DACH1: variants seen among roughly 807,000 people sequenced by gnomAD.
DACH1 encodes dachshund homolog 1.
Under a neutral mutation model 54.2 loss-of-function variants are expected in DACH1, and 12 were observed. The ratio of observed to expected loss-of-function variants is 0.22; its 90% confidence interval spans 0.14 to 0.36. The LOEUF (loss-of-function observed/expected upper bound fraction) is 0.36, where lower values mean the gene tolerates loss of function less well. DACH1 is among the 10% of genes least tolerant of loss of function. The pLI is 1.00. For missense variants in DACH1, 805 were observed against 929.8 expected (o/e 0.87, Z 1.75); for synonymous variants, 386 against 366.2 (o/e 1.05, Z -0.62).
chr13:71,794,718 G>T (rs1485924442), intron 1 of DACH1, among the ~76,000 whole-genome samples: 1 of 152,172 alleles, frequency 6.6e-6, no homozygotes, highest in Non-Finnish European at 1.5e-5. Flanking sequence ...GATTACAGGC[G>T]TGAGCCACCG....
At chr13:71,764,995 C>T (rs1885560813) in intron 1 of DACH1, among the ~76,000 whole-genome samples, 1 of 152,142 alleles carries the variant, frequency 6.6e-6, no homozygotes, top group Non-Finnish European at 1.5e-5. Context: ...TTAGCTCTTC[C>T]TTGTCTCTCA....
At chr13:71,513,786 T>G (rs1157501541) in intron 6 of DACH1, among the ~76,000 whole-genome samples, 1 of 152,028 alleles carries the variant, frequency 6.6e-6, no homozygotes, top group Non-Finnish European at 1.5e-5. Context: ...AAGAAAGTAT[T>G]TACAGTCTCA....
chr13:71,567,916 C>G (rs1884987437), intron 4 of DACH1, among the ~76,000 whole-genome samples: 1 of 151,810 alleles, frequency 6.6e-6, no homozygotes, highest in African/African-American at 2.4e-5. Context: ...TTGATTCATT[C>G]AAGAGAATTT....
At position 71,462,899 on chromosome 13, in the gene DACH1, C is replaced by A. The variant is rs1277309229; in HGVS notation, c.2083+12242G>T. On this transcript the variant is annotated intron_variant, in intron 10 of 10. Coordinates refer to ENST00000613252, the MANE Select transcript of DACH1 (RefSeq NM_080759.6). ...ACACACACACACACACACACACACA[C>A]ACACACACACACACACATAAACCAT... is the stretch of plus-strand genomic sequence containing the variant. Among the ~76,000 whole-genome samples, 31 of 81,614 alleles carry A rather than the reference C, an allele frequency of 3.8e-4. No individual in the cohort carries two copies. The Admixed American group carries it at 4.7e-3, about 12-fold the overall frequency. 53.5% of individuals were successfully genotyped at this position (81,614 alleles called of 152,430 possible). A position where few individuals can be genotyped will look rare whatever the true frequency, so the allele number is the denominator to read the frequency against.
intron 1 of DACH1, among the ~76,000 whole-genome samples, chr13:71,859,052 A>C (rs1182759201): frequency 2.0e-5 from 3 of 151,766 alleles, no homozygotes; most frequent in Non-Finnish European, 3.0e-5. Context: ...ACAACAACAA[A>C]AAAAGACCAA....
intron 1 of DACH1, 31 bp from the exon 2 acceptor site, chr13:71,681,941 T>A (rs745398974): frequency 4.3e-6 from 6 of 1,398,048 alleles, no homozygotes; most frequent in African/African-American, 1.4e-5. Context: ...ATTTTTACAA[T>A]TAAGCTATTG....
chr13:71,533,400 T>C (rs1456690452), intron 6 of DACH1, among the ~76,000 whole-genome samples: 2 of 151,994 alleles, frequency 1.3e-5, no homozygotes, highest in African/African-American at 4.8e-5. Flanking sequence ...TTATATCTTT[T>C]AGGACAAAAC....
At chr13:71,454,428 A>T (rs535633455) in intron 10 of DACH1, among the ~76,000 whole-genome samples, 3 of 152,248 alleles carry the variant, frequency 2.0e-5, no homozygotes, top group African/African-American at 7.2e-5. Flanking sequence ...GTACCTAGGG[A>T]CTTGCTTCTA....
intron 3 of DACH1, among the ~76,000 whole-genome samples, chr13:71,577,851 C>T (rs2138426182): frequency 6.6e-6 from 1 of 152,152 alleles, no homozygotes; most frequent in South Asian, 2.1e-4. Flanking sequence ...AACACAATAA[C>T]AATTTTGAGT....
chr13:71,502,303 A>T (rs1178886892), intron 6 of DACH1, among the ~76,000 whole-genome samples: 1 of 152,168 alleles, frequency 6.6e-6, no homozygotes, highest in Non-Finnish European at 1.5e-5. Flanking sequence ...TAAGATACCT[A>T]TCCCAGAAAT....
intron 1 of DACH1, among the ~76,000 whole-genome samples, chr13:71,760,404 T>C (rs1885355905): frequency 6.6e-6 from 1 of 152,302 alleles, no homozygotes; most frequent in South Asian, 2.1e-4. Flanking sequence ...AGAAACACAC[T>C]CACTTGCTCG....
At chr13:71,540,990 T>G (rs190014862) in intron 6 of DACH1, among the ~76,000 whole-genome samples, 434 of 152,080 alleles carry the variant, frequency 2.9e-3, no homozygotes, top group Non-Finnish European at 3.8e-3. Flanking sequence ...TGTTTTTTAT[T>G]TTATGTATTG....
At chr13:71,634,846 A>T (rs1173054811) in intron 2 of DACH1, among the ~76,000 whole-genome samples, 1 of 152,182 alleles carries the variant, frequency 6.6e-6, no homozygotes, top group Non-Finnish European at 1.5e-5. Flanking sequence ...GTCTGGTTTG[A>T]GGCCTCTGCA....
At chr13:71,619,862 T>A (rs1033370527) in intron 3 of DACH1, among the ~76,000 whole-genome samples, 1 of 151,894 alleles carries the variant, frequency 6.6e-6, no homozygotes, top group Non-Finnish European at 1.5e-5. Flanking sequence ...GGAAATTGTA[T>A]AATATTTACA....
chr13:71,454,399 T>G (rs1875363762), intron 10 of DACH1, among the ~76,000 whole-genome samples: 2 of 152,176 alleles, frequency 1.3e-5, no homozygotes, highest in Non-Finnish European at 1.5e-5. Flanking sequence ...ACATGATACC[T>G]TCTCCTTAAG....
chr13:71,754,862 A>G (rs1049315620), intron 1 of DACH1, among the ~76,000 whole-genome samples: 2 of 152,160 alleles, frequency 1.3e-5, no homozygotes, highest in African/African-American at 4.8e-5. Flanking sequence ...ATAATAAGGC[A>G]AGTATGTTAT....
At chr13:71,639,050 C>A (rs1877705237) in intron 2 of DACH1, among the ~76,000 whole-genome samples, 1 of 152,140 alleles carries the variant, frequency 6.6e-6, no homozygotes, top group South Asian at 2.1e-4. Flanking sequence ...TGAATTACAA[C>A]TCAATTGAAA....
At position 71,568,865 on chromosome 13, in the gene DACH1, A is replaced by G. The variant is rs367928779; in HGVS notation, c.1299+3975T>C. ...ATACAGGTACAGTTTATAATTATTT[A>G]ATATATCCCCACAGATATTTAGCGA... On this transcript the variant is annotated intron_variant, in intron 4 of 10. Transcript: ENST00000613252. Among the ~76,000 whole-genome samples the G allele has an allele frequency of 4.6e-5, 7 of 152,206 alleles. No homozygotes were observed. In the South Asian group the frequency reaches 1.2e-3, roughly 27 times the overall value.
intron 1 of DACH1, among the ~76,000 whole-genome samples, chr13:71,746,422 A>C (rs1884604823): frequency 1.3e-5 from 2 of 152,168 alleles, no homozygotes; most frequent in African/African-American, 2.4e-5. Context: ...TCACTGATGA[A>C]AAGTAAACTC....
Sources: gnomAD v4.1 joint callset for allele counts (sites outside exome capture counted in the v4.1 genomes callset) on GRCh38, gnomAD v4.1.1 for gene constraint, MANE v1.5 for transcripts, NCBI Gene and HGNC (gene_info 2026-07-23, HGNC 2026-07-21) for gene names.